The following NEBL variants were observed in gnomAD, a reference collection of about 807,000 sequenced individuals.
NEBL encodes nebulette.
A neutral mutation model predicts 140.2 loss-of-function variants in NEBL; 122 were observed. The observed-to-expected ratio is 0.87, with a 90% CI of 0.75 to 1.01. The LOEUF (loss-of-function observed/expected upper bound fraction) is 1.01. NEBL is among the 50% of genes least tolerant of loss of function. The pLI is 0.00. For missense variants in NEBL, 1,365 were observed against 1,231.3 expected, an observed-to-expected ratio of 1.11 and a Z score of -1.62; for synonymous variants, 436 against 398.9, an observed-to-expected ratio of 1.09 and a Z score of -1.11.
Position 20,937,664 on chromosome 10 carries a change from AG to A in NEBL, c.357+24007del, listed in dbSNP as rs1834571244. Among the ~76,000 whole-genome samples the A allele has an allele frequency of 3.9e-5, 6 of 152,310 alleles. No individual in the cohort carries two copies. The South Asian group carries it at 1.2e-3, about 32-fold the overall frequency. ...GGCATCGCCTCACCCAGGATGCACA[AG>A]GGGTCAGGGAATTCCCTTTCCTAGT... On this transcript the variant is annotated intron_variant, in intron 4 of 6. Transcript: ENST00000417816.
chr10:21,063,890 A>AATAAATATAAATATAAAT (rs71392111), intron 2 of NEBL, among the ~76,000 whole-genome samples: 6 of 148,936 alleles, frequency 4.0e-5, no homozygotes. Flanking sequence ...TAAACAAATA[A>AATAAATATAAATATAAAT]ATAAATATAA....
intron 2 of NEBL, among the ~76,000 whole-genome samples, chr10:21,117,489 TTA>T (rs1293261824): frequency 2.0e-5 from 3 of 152,096 alleles, no homozygotes; most frequent in African/African-American, 7.2e-5. Flanking sequence ...CTGGGCTCTG[TTA>T]TATGTCTAGG....
intron 2 of NEBL, among the ~76,000 whole-genome samples, chr10:21,119,858 GTCATA>G (rs1436378743): frequency 6.6e-6 from 1 of 151,996 alleles, no homozygotes; most frequent in African/African-American, 2.4e-5. Context: ...ACATTTAGAT[GTCATA>G]TCTCTTCAAT....
intron 3 of NEBL, 31 bp downstream of exon 3, chr10:20,889,814 C>T (rs1349922595): frequency 7.6e-7 from 1 of 1,321,086 alleles, no homozygotes. Flanking sequence ...AAGATAAATG[C>T]AAGCCAGTTT....
chr10:20,828,269 T>C (rs1461204532), intron 17 of NEBL, among the ~76,000 whole-genome samples: 1 of 152,164 alleles, frequency 6.6e-6, no homozygotes, highest in Non-Finnish European at 1.5e-5. Flanking sequence ...ACTTCTTTCC[T>C]GAGTTAAATT....
At chr10:21,067,077 A>G (rs1429759987) in intron 2 of NEBL, among the ~76,000 whole-genome samples, 1 of 143,740 alleles carries the variant, frequency 7.0e-6, no homozygotes, top group Admixed American at 7.5e-5. Flanking sequence ...GGTTCACGCC[A>G]TTCCCCTGCC....
chr10:20,867,777 A>AT (rs1212870956), intron 7 of NEBL: 1 of 152,092 alleles, frequency 6.6e-6, no homozygotes, highest in Non-Finnish European at 1.5e-5. Context: ...TTATTAGCTA[A>AT]TCCAACTTCT....
chr10:20,939,015 C>T (rs927918934), intron 4 of NEBL, among the ~76,000 whole-genome samples: 1 of 152,162 alleles, frequency 6.6e-6, no homozygotes, highest in Non-Finnish European at 1.5e-5. Context: ...AAACACTCTG[C>T]AGGATATTAT....
intron 5 of NEBL, among the ~76,000 whole-genome samples, chr10:20,877,505 G>T (rs1165406834): frequency 6.6e-6 from 1 of 152,082 alleles, no homozygotes; most frequent in Middle Eastern, 3.2e-3. Context: ...TTCTAACAAA[G>T]AGCAGCCTGT....
intron 1 of NEBL, among the ~76,000 whole-genome samples, chr10:21,263,859 G>A (rs2132283146): frequency 6.6e-6 from 1 of 152,258 alleles, no homozygotes; most frequent in Admixed American, 6.5e-5. Flanking sequence ...CAGATACTCG[G>A]GAGGTTGAAG....
At chr10:20,827,049 A>G (rs895078739) in intron 17 of NEBL, among the ~76,000 whole-genome samples, 10 of 152,088 alleles carry the variant, frequency 6.6e-5, no homozygotes, top group Admixed American at 3.9e-4. Context: ...TCTTCCACTT[A>G]TTTGTTAACC....
chr10:21,048,245 T>C lies in NEBL; in HGVS notation c.165-28044A>G, dbSNP rs1340424015. 2.0e-5 allele frequency among the ~76,000 whole-genome samples: 3 copies of C among 152,286 alleles called. No individual in the cohort carries two copies. In the East Asian group the frequency reaches 5.8e-4, roughly 29 times the overall value. ...CAGTCACTGTGACAGCCCCACATTA[T>C]AGTTCAGTGTAATTTGTTTATTGAC... On this transcript the variant is annotated intron_variant, in intron 2 of 6. Coordinates refer to the NEBL transcript ENST00000417816.
intron 2 of NEBL, chr10:21,020,313 G>A: frequency 1.1e-6 from 1 of 891,856 alleles, no homozygotes; most frequent in Non-Finnish European, 1.8e-6. Flanking sequence ...CACAGTGGAA[G>A]AGGGACCTGA....
At position 20,998,240 on chromosome 10, in the gene NEBL, C is replaced by T. The variant is rs539236524; in HGVS notation, c.249+21877G>A. Among the ~76,000 whole-genome samples the T allele has an allele frequency of 1.6e-3, 249 of 152,212 alleles. 1 individual carries two copies. The highest frequency in any genetic ancestry group is 5.5e-3 in the African/African-American group (229 of 41,542). ...TCCTGAGGCCAAATATTAGCAAGGACCCTGAGTAGCCGTGTGGCCTCAGGC... is the reference window on the plus strand; with the variant it reads ...TCCTGAGGCCAAATATTAGCAAGGATCCTGAGTAGCCGTGTGGCCTCAGGC... On this transcript the variant is annotated intron_variant, in intron 3 of 6. Transcript: ENST00000417816.
At position 20,859,779 on chromosome 10, in the gene NEBL, AT is replaced by A. The variant is rs1307717293; in HGVS notation, c.731del (p.His244LeufsTer24). 15 of 1,600,024 alleles carry A rather than the reference AT, an allele frequency of 9.4e-6. No homozygotes were observed. The highest frequency in any genetic ancestry group is 1.1e-5 in the Non-Finnish European group (13 of 1,168,626). Reference protein sequence around the residue: ...KFDNEMKDKKHHYNPLESASF... With the variant: ...KFDNEMKDKKXHYNPLESASF... ...AAGCACTTTCAAGAGGATTGTAATG[AT>A]GTTTCTTATCCTTCATTTCATTATC... On this transcript the variant is annotated frameshift_variant, in exon 8 of 28. Coordinates refer to ENST00000377122, the MANE Select transcript of NEBL (RefSeq NM_006393.3). LOFTEE classifies it high-confidence loss of function.
intron 1 of NEBL, among the ~76,000 whole-genome samples, chr10:21,280,133 G>C (rs1842973981): frequency 6.6e-6 from 1 of 152,088 alleles, no homozygotes; most frequent in South Asian, 2.1e-4. Flanking sequence ...GGGTCACCTG[G>C]GGTCTTTCCA....
chr10:21,105,242 G>C (rs1000909997), intron 2 of NEBL, among the ~76,000 whole-genome samples: 2 of 151,966 alleles, frequency 1.3e-5, no homozygotes, highest in African/African-American at 2.4e-5. Context: ...ATGCAGTTTT[G>C]TTACATAGGT....
chr10:20,792,092 AG>A (rs968302283), intron 26 of NEBL, among the ~76,000 whole-genome samples: 1 of 151,242 alleles, frequency 6.6e-6, no homozygotes, highest in Non-Finnish European at 1.5e-5. Flanking sequence ...CAATGACTAT[AG>A]AGATACAGTC....
At chr10:21,063,736 A>G (rs1456340249) in intron 2 of NEBL, among the ~76,000 whole-genome samples, 1 of 151,994 alleles carries the variant, frequency 6.6e-6, no homozygotes, top group Non-Finnish European at 1.5e-5. Flanking sequence ...TCTACAAAAA[A>G]TTTTCAAAAT....
Sources: gnomAD v4.1 joint callset for allele counts (sites outside exome capture counted in the v4.1 genomes callset) on GRCh38, gnomAD v4.1.1 for gene constraint, MANE v1.5 for transcripts, NCBI Gene and HGNC (gene_info 2026-07-23, HGNC 2026-07-21) for gene names.